UVRAG: variants seen among roughly 807,000 people sequenced by gnomAD.
UVRAG encodes UV radiation resistance-associated gene protein.
Under a neutral mutation model 78.0 loss-of-function variants are expected in UVRAG, and 19 were observed. The observed-to-expected ratio is 0.24, with a 90% CI of 0.17 to 0.36. The LOEUF (loss-of-function observed/expected upper bound fraction) is 0.36. Among genes scored for constraint, UVRAG ranks in the 10% least tolerant of loss-of-function variants. The pLI is 1.00. For synonymous variants in UVRAG, 323 were observed against 324.6 expected (o/e 1.00, Z 0.05); for missense variants, 740 against 853.8 (o/e 0.87, Z 1.66).
At chr11:75,933,340 C>CATATAA (rs1948284591) in intron 6 of UVRAG, among the ~76,000 whole-genome samples, 1 of 152,040 alleles carries the variant, frequency 6.6e-6, no homozygotes, top group Admixed American at 6.6e-5. Context: ...TGTCTCTTGC[C>CATATAA]ATATAAAAAA....
chr11:76,027,667 C>G (rs1950353303), intron 12 of UVRAG, among the ~76,000 whole-genome samples: 1 of 152,020 alleles, frequency 6.6e-6, no homozygotes, highest in Non-Finnish European at 1.5e-5. Context: ...AAATGCTTAA[C>G]AAAATTTTGC....
chr11:76,080,509 A>G (rs924449733), intron 13 of UVRAG, among the ~76,000 whole-genome samples: 1 of 151,774 alleles, frequency 6.6e-6, no homozygotes, highest in African/African-American at 2.4e-5. Context: ...TAGAATATAT[A>G]TATATAAATT....
At chr11:75,858,894 A>G (rs1277788281) in intron 2 of UVRAG, among the ~76,000 whole-genome samples, 3 of 152,242 alleles carry the variant, frequency 2.0e-5, no homozygotes, top group Non-Finnish European at 4.4e-5. Flanking sequence ...ATCTATGAGT[A>G]TTAGGATGAG....
chr11:76,013,767 C>G (rs1478839260), intron 11 of UVRAG, among the ~76,000 whole-genome samples: 1 of 152,172 alleles, frequency 6.6e-6, no homozygotes, highest in East Asian at 1.9e-4. Context: ...AAAGTGACTT[C>G]CCTACCAGGA....
rs1017109821 is a variant in UVRAG, at chr11:76,060,606, C to T, written c.1227-5104C>T. Among the ~76,000 whole-genome samples, 6 of 152,220 alleles carry T rather than the reference C, an allele frequency of 3.9e-5. No individual in the cohort carries two copies. The East Asian group carries it at 9.6e-4, about 24-fold the overall frequency. ...AACCAGGGCTGCAGCACGGCGCTTG[C>T]GGGCCAGCTGGAGTTCCGGGTGGGC... On this transcript the variant is annotated intron_variant, in intron 12 of 14. Transcript: ENST00000356136.
At chr11:75,951,841 A>G (rs569441695) in intron 6 of UVRAG, among the ~76,000 whole-genome samples, 3 of 152,252 alleles carry the variant, frequency 2.0e-5, no homozygotes, top group Non-Finnish European at 1.5e-5. Flanking sequence ...TTGTATTTGC[A>G]TATCAATTTT....
chr11:76,051,570 G>T (rs1321037033), intron 12 of UVRAG, among the ~76,000 whole-genome samples: 1 of 152,092 alleles, frequency 6.6e-6, no homozygotes, highest in Non-Finnish European at 1.5e-5. Context: ...TAAAAAAAAG[G>T]AGGGGGGATT....
chr11:75,929,817 G>T (rs1948196091), intron 6 of UVRAG, among the ~76,000 whole-genome samples: 1 of 152,110 alleles, frequency 6.6e-6, no homozygotes, highest in Non-Finnish European at 1.5e-5. Flanking sequence ...GCAGTATAAG[G>T]AACAGAAGAT....
At chr11:75,879,167 A>G (rs1368807360) in intron 3 of UVRAG, among the ~76,000 whole-genome samples, 1 of 152,102 alleles carries the variant, frequency 6.6e-6, no homozygotes, top group East Asian at 1.9e-4. Flanking sequence ...TGTACAGAGT[A>G]AAGTATTCCC....
chr11:76,078,380 G>A (rs1216501948), intron 13 of UVRAG, among the ~76,000 whole-genome samples: 2 of 152,082 alleles, frequency 1.3e-5, no homozygotes, highest in African/African-American at 2.4e-5. Flanking sequence ...ACAGTTATCT[G>A]TGGATAGACC....
chr11:75,999,593 C>A (rs1372743405), intron 8 of UVRAG, among the ~76,000 whole-genome samples: 1 of 151,986 alleles, frequency 6.6e-6, no homozygotes, highest in Non-Finnish European at 1.5e-5. Context: ...GTTGGTCAGG[C>A]TGGTCTCGAA....
chr11:75,885,063 A>G (rs1053751602), intron 4 of UVRAG, among the ~76,000 whole-genome samples: 1 of 152,018 alleles, frequency 6.6e-6, no homozygotes, highest in African/African-American at 2.4e-5. Context: ...GATCTTGCAC[A>G]TATTTTGTTA....
chr11:75,985,470 T>C (rs80187323), intron 8 of UVRAG, among the ~76,000 whole-genome samples: 11,560 of 152,052 alleles, frequency 0.076, 885 homozygotes, highest in African/African-American at 0.2. Flanking sequence ...TTTTGGCATA[T>C]GCTTAAAAAT....
chr11:76,135,075 C>G (rs1365452920), intron 14 of UVRAG, among the ~76,000 whole-genome samples: 1 of 152,140 alleles, frequency 6.6e-6, no homozygotes, highest in Non-Finnish European at 1.5e-5. Flanking sequence ...CTAACTAACG[C>G]CTGATGATCT....
At chr11:75,873,565 A>G in intron 3 of UVRAG, among the ~76,000 whole-genome samples, 1 of 152,118 alleles carries the variant, frequency 6.6e-6, no homozygotes, top group East Asian at 1.9e-4. Flanking sequence ...GTGGGGGTAG[A>G]GGCAGGGAGG....
rs7936097 is a variant in UVRAG at position 76,018,574 on chromosome 11, A to G, written c.1226+1594A>G. Among the ~76,000 whole-genome samples, 265 of 152,134 alleles carry G rather than the reference A, an allele frequency of 1.7e-3. 1 individual carries two copies. The highest frequency in any genetic ancestry group is 6.1e-3 in the African/African-American group (254 of 41,510). ...CAGGCACGCACCAGCACGCCCAGCT[A>G]ATTTTTGTATTTTTAGTAGAGACGA... On this transcript the variant is annotated intron_variant, in intron 12 of 14. Coordinates refer to ENST00000356136, the MANE Select transcript of UVRAG (RefSeq NM_003369.4).
At chr11:76,121,912 G>T (rs1591260982) in intron 14 of UVRAG, among the ~76,000 whole-genome samples, 1 of 152,068 alleles carries the variant, frequency 6.6e-6, no homozygotes, top group African/African-American at 2.4e-5. Context: ...TCACTTCTTT[G>T]CCGAGTCTTA....
At chr11:75,831,351 G>C (rs779785033) in intron 1 of UVRAG, among the ~76,000 whole-genome samples, 3 of 152,122 alleles carry the variant, frequency 2.0e-5, no homozygotes, top group African/African-American at 4.8e-5. Flanking sequence ...AGCCGGGTGT[G>C]GTGGCAGGCG....
rs1945234613 is a variant in UVRAG, at chr11:75,815,357, G to A, written c.-51G>A. 4.9e-6 allele frequency: 5 copies of A among 1,029,324 alleles called. No individual in the cohort carries two copies. Among genetic ancestry groups the A allele is most frequent in the Non-Finnish European group, 6.3e-6 (5 of 798,612 alleles). The allele number at this position is 1,029,324 out of a possible 1,614,324, so 63.8% of individuals were successfully genotyped here. On this transcript the variant is annotated 5_prime_UTR_variant, in exon 1 of 15. Coordinates refer to ENST00000356136, the MANE Select transcript of UVRAG (RefSeq NM_003369.4). Reference sequence around the variant, plus strand: ...GGTAGGTGGTGGCAAGGGGGCGGCGGCGGATGCCGGAAGAGTGCCCGCCCC... The same window carrying A: ...GGTAGGTGGTGGCAAGGGGGCGGCGACGGATGCCGGAAGAGTGCCCGCCCC...
Sources: gnomAD v4.1 joint callset for allele counts (sites outside exome capture counted in the v4.1 genomes callset) on GRCh38, gnomAD v4.1.1 for gene constraint, MANE v1.5 for transcripts, NCBI Gene and HGNC (gene_info 2026-07-23, HGNC 2026-07-21) for gene names.